Variants in PAPSS2 observed in about 807,000 individuals in gnomAD.
PAPSS2 encodes 3'-phosphoadenosine 5'-phosphosulfate synthase 2.
PAPSS2 carries 61 observed loss-of-function variants against 66.5 expected under a neutral mutation model. The observed-to-expected ratio is 0.92, with a 90% CI of 0.75 to 1.14. The LOEUF is 1.14. Among genes scored for constraint, PAPSS2 ranks in the 50% most tolerant of loss-of-function variants. PAPSS2 has a pLI of 0.00. For synonymous variants in PAPSS2, 289 were observed against 287.5 expected (o/e 1.01, Z -0.05); for missense variants, 708 against 789.6 (o/e 0.90, Z 1.24).
chr10:87,727,298 A>T lies in PAPSS2; in HGVS notation c.895A>T (p.Met299Leu). 3.7e-6 allele frequency: 6 copies of T among 1,613,428 alleles called. No individual in the cohort carries two copies. Among genetic ancestry groups the T allele is most frequent in the Non-Finnish European group, 5.1e-6 (6 of 1,179,976 alleles). Residue 299 changes from methionine (M) to leucine (L), a missense_variant, in exon 9 of 13, where the codon ATG (methionine) becomes TTG (leucine). Physicochemically the swap from Met to Leu is conservative, Grantham distance 15. Transcript: ENST00000456849. ...GMALPDGVIN[M>L]SIPIVLPVSA... ...TCTTTCCACAGATGGCGTGATCAAC[A>T]TGAGCATCCCCATTGTACTGCCCGT...
chr10:87,734,663 G>GTACATATATATATATA (rs1554867987), intron 9 of PAPSS2, among the ~76,000 whole-genome samples: 1 of 81,096 alleles, frequency 1.2e-5, no homozygotes, highest in Non-Finnish European at 2.2e-5. Flanking sequence ...GAATGTGTGT[G>GTACATATATATATATA]TATATATATA....
chr10:87,660,486 T>C (rs940438661), intron 1 of PAPSS2: 37 of 193,482 alleles, frequency 1.9e-4, no homozygotes, highest in African/African-American at 8.0e-4. Flanking sequence ...AAACTGCAAT[T>C]ATCAAAGCAA....
At chr10:87,689,078 C>T (rs909990215) in intron 1 of PAPSS2, among the ~76,000 whole-genome samples, 20 of 152,028 alleles carry the variant, frequency 1.3e-4, no homozygotes, top group African/African-American at 3.9e-4. Flanking sequence ...CGGTGGCTCA[C>T]GCCTGTAATC....
intron 1 of PAPSS2, among the ~76,000 whole-genome samples, chr10:87,673,768 C>A (rs1852910928): frequency 8.0e-6 from 1 of 124,498 alleles, no homozygotes; most frequent in Non-Finnish European, 1.7e-5. Context: ...GTTGTTCTTT[C>A]CTTTTTCTTG....
At chr10:87,690,482 A>G (rs919019780) in intron 1 of PAPSS2, among the ~76,000 whole-genome samples, 1 of 152,236 alleles carries the variant, frequency 6.6e-6, no homozygotes, top group African/African-American at 2.4e-5. Context: ...AAGTGGCAGC[A>G]TGGCTTCTGC....
At position 87,732,967 on chromosome 10, in the gene PAPSS2, G is replaced by C. The variant is rs1564726876; in HGVS notation, c.1086+5478G>C. 2.0e-5 allele frequency among the ~76,000 whole-genome samples: 3 copies of C among 152,224 alleles called. No individual in the cohort carries two copies. The South Asian group carries it at 6.2e-4, about 31-fold the overall frequency. The stretch of plus-strand genomic sequence containing the variant: ...GCAGACATTTTGTGCAAAAGTGAGA[G>C]AGATTGATGAAGATTGTTGAAGATT... On this transcript the variant is annotated intron_variant, in intron 9 of 12. Coordinates refer to ENST00000456849, the MANE Select transcript of PAPSS2 (RefSeq NM_001015880.2).
rs369671724 is a variant in PAPSS2 at position 87,682,783 on chromosome 10, C to T, written c.27+22775C>T. Among the ~76,000 whole-genome samples, 34 of 152,112 alleles carry T rather than the reference C, an allele frequency of 2.2e-4. No homozygotes were observed. The Middle Eastern group carries it at 0.017, about 76-fold the overall frequency. On this transcript the variant is annotated intron_variant, in intron 1 of 12. Coordinates refer to ENST00000456849, the MANE Select transcript of PAPSS2 (RefSeq NM_001015880.2). ...CCTACATAGATAGATGGAAGGGACT[C>T]GGCACAATAAAAAGAAGGAGCATGT...
chr10:87,746,153 T>G lies in PAPSS2; in HGVS notation c.*183T>G, dbSNP rs1273182436. 6.4e-6 allele frequency: 3 copies of G among 466,794 alleles called. No individual in the cohort carries two copies. Among genetic ancestry groups the G allele is most frequent in the Admixed American group, 3.8e-5 (1 of 26,272 alleles). The allele number at this position is 466,794 out of a possible 1,614,324, so 28.9% of individuals were successfully genotyped here. On this transcript the variant is annotated 3_prime_UTR_variant, in exon 13 of 13. Coordinates refer to ENST00000456849, the MANE Select transcript of PAPSS2 (RefSeq NM_001015880.2). The stretch of plus-strand genomic sequence containing the variant: ...TACACACACACATATACATACAAAG[T>G]CAAACTGAAGACCAAATCTTAGCAG...
chr10:87,692,852 A>G (rs1328291551), intron 1 of PAPSS2, among the ~76,000 whole-genome samples: 1 of 152,246 alleles, frequency 6.6e-6, no homozygotes, highest in East Asian at 1.9e-4. Context: ...GTGGCTGAGC[A>G]GATCACTGAG....
intron 2 of PAPSS2, among the ~76,000 whole-genome samples, chr10:87,712,472 G>A (rs1853474213): frequency 6.6e-6 from 1 of 152,120 alleles, no homozygotes; most frequent in Non-Finnish European, 1.5e-5. Flanking sequence ...TTGCTTTGGA[G>A]ACAAGGCCTC....
chr10:87,704,192 A>C (rs1052038448), intron 1 of PAPSS2, among the ~76,000 whole-genome samples: 1 of 152,248 alleles, frequency 6.6e-6, no homozygotes, highest in African/African-American at 2.4e-5. Context: ...GTACCTGGCC[A>C]TCCGAAAGTA....
rs1304990011 is a variant in PAPSS2, at chr10:87,706,140, G to GTGTGTGTGTGTGTGTA, written c.28-3055_28-3054insGTGTGTGTGTGTGTAT. Among the ~76,000 whole-genome samples, 9 of 113,224 alleles carry GTGTGTGTGTGTGTGTA rather than the reference G, an allele frequency of 7.9e-5. No homozygotes were observed. The East Asian group carries it at 2.2e-3, about 28-fold the overall frequency. 74.3% of individuals were successfully genotyped at this position (113,224 alleles called of 152,430 possible). ...TGTGTGTGTGTGTGTGTGTGTGTGT[G>GTGTGTGTGTGTGTGTA]TATATATATACCCTCTCCCTCAGAG... On this transcript the variant is annotated intron_variant, in intron 1 of 12. Coordinates refer to ENST00000456849, the MANE Select transcript of PAPSS2 (RefSeq NM_001015880.2).
intron 9 of PAPSS2, among the ~76,000 whole-genome samples, chr10:87,741,001 A>G (rs1853861617): frequency 6.6e-6 from 1 of 152,212 alleles, no homozygotes; most frequent in East Asian, 1.9e-4. Context: ...ATGAAAAGTA[A>G]TGATAGCTAT....
intron 1 of PAPSS2, among the ~76,000 whole-genome samples, chr10:87,672,019 C>T (rs1852884822): frequency 6.6e-6 from 1 of 152,192 alleles, no homozygotes; most frequent in African/African-American, 2.4e-5. Context: ...TTTCTTTCAT[C>T]ATGCTCATCA....
At chr10:87,690,461 G>A (rs1816323896) in intron 1 of PAPSS2, among the ~76,000 whole-genome samples, 1 of 152,288 alleles carries the variant, frequency 6.6e-6, no homozygotes, top group East Asian at 1.9e-4. Context: ...GAGAGATGGG[G>A]GCGGAGGCAG....
At chr10:87,687,330 C>G (rs970449126) in intron 1 of PAPSS2, among the ~76,000 whole-genome samples, 1 of 152,168 alleles carries the variant, frequency 6.6e-6, no homozygotes, top group African/African-American at 2.4e-5. Flanking sequence ...GGTGGGAATA[C>G]AGGCTCCTAT....
At chr10:87,676,032 G>T (rs1852941229) in intron 1 of PAPSS2, among the ~76,000 whole-genome samples, 1 of 131,906 alleles carries the variant, frequency 7.6e-6, no homozygotes, top group African/African-American at 2.8e-5. Flanking sequence ...GTCTTCTGTG[G>T]TCACTACATT....
chr10:87,727,448 C>G lies in PAPSS2; in HGVS notation c.1045C>G (p.Arg349Gly), dbSNP rs1305827667. 6.2e-7 allele frequency: 1 copy of G among 1,613,866 alleles called. No individual in the cohort carries two copies. The highest frequency in any genetic ancestry group is 2.2e-5 in the East Asian group (1 of 44,822). ...YEHRKEERCS[R>G]VWGTTCTKHP... ...ACACAGAAAAGAGGAACGCTGTTCC[C>G]GTGTTTGGGGGACAACATGTACAAA... is the stretch of plus-strand genomic sequence containing the variant. The change falls in exon 9 of 13, where the codon CGT (arginine) becomes GGT (glycine). Residue 349 changes from arginine (R) to glycine (G), a missense_variant. Transcript: ENST00000456849.
intron 9 of PAPSS2, among the ~76,000 whole-genome samples, chr10:87,733,837 C>G (rs138611805): frequency 6.6e-6 from 1 of 151,574 alleles, no homozygotes; most frequent in African/African-American, 2.4e-5. Flanking sequence ...AACCTCCCCC[C>G]AAGCCTGTTC....
Sources: allele counts gnomAD v4.1 joint callset (sites outside exome capture counted in the v4.1 genomes callset), GRCh38; gene constraint gnomAD v4.1.1; transcripts MANE v1.5; gene names NCBI Gene and HGNC (gene_info 2026-07-23, HGNC 2026-07-21).